Variants in WDPCP observed in about 807,000 individuals in gnomAD.
WDPCP encodes WD repeat containing planar cell polarity effector.
Under a neutral mutation model 93.1 loss-of-function variants are expected in WDPCP, and 71 were observed. That is an observed-to-expected ratio of 0.76 (90% CI 0.63 to 0.93). The LOEUF (loss-of-function observed/expected upper bound fraction) is 0.93. Among genes scored for constraint, WDPCP ranks in the 40% least tolerant of loss-of-function variants. The probability of loss-of-function intolerance (pLI) is 0.00; values close to 1 mark genes in which losing one functional copy is unlikely to be tolerated. For synonymous variants in WDPCP, 315 were observed against 315.0 expected, an observed-to-expected ratio of 1.00 and a Z score of 0.00; for missense variants, 844 against 887.4, an observed-to-expected ratio of 0.95 and a Z score of 0.62.
intron 14 of WDPCP, among the ~76,000 whole-genome samples, chr2:63,254,230 G>C (rs1397947539): frequency 6.6e-6 from 1 of 152,134 alleles, no homozygotes. Context: ...GGGACTAATA[G>C]AAGGGCAAGG....
Position 63,174,700 on chromosome 2 carries a change from T to C in WDPCP, c.2048A>G (p.Gln683Arg), listed in dbSNP as rs759847898. The C allele has an allele frequency of 1.2e-6, 2 of 1,613,992 alleles. No homozygotes were observed. Among genetic ancestry groups the C allele is most frequent in the Non-Finnish European group, 8.5e-7 (1 of 1,179,898 alleles). Residue 683 changes from glutamine (Q) to arginine (R), a missense_variant, in exon 15 of 18, where the codon CAA (glutamine) becomes CGA (arginine). Coordinates refer to ENST00000272321, the MANE Select transcript of WDPCP (RefSeq NM_015910.7). ...PSCPTHRHILQQRILNGSSNR... is the reference protein window; with the variant it reads ...PSCPTHRHILRQRILNGSSNR... ...AGAAGAGCCATTCAGTATTCTTTGT[T>C]GTAAAATATGTCTGTGGGTTGGGCA... is the stretch of plus-strand genomic sequence containing the variant.
At chr2:63,183,966 T>G (rs1674439047) in intron 14 of WDPCP, among the ~76,000 whole-genome samples, 1 of 152,152 alleles carries the variant, frequency 6.6e-6, no homozygotes, top group Non-Finnish European at 1.5e-5. Context: ...AGTTTCTGTT[T>G]GTGCAGGAGA....
chr2:63,349,429 AG>A (rs1255681216), intron 12 of WDPCP, among the ~76,000 whole-genome samples: 1 of 152,116 alleles, frequency 6.6e-6, no homozygotes, highest in East Asian at 1.9e-4. Flanking sequence ...CTCTATTCTA[AG>A]CTGTATCAAA....
At chr2:63,592,565 C>T (rs575345425), upstream of WDPCP, among the ~76,000 whole-genome samples, 5 of 152,234 alleles carry the variant, frequency 3.3e-5, no homozygotes, top group South Asian at 2.1e-4. Flanking sequence ...AGGCTGGTCT[C>T]GAACTCCTGG....
intron 3 of WDPCP, among the ~76,000 whole-genome samples, chr2:63,623,961 G>A (rs188933173): frequency 6.6e-6 from 1 of 152,140 alleles, no homozygotes; most frequent in East Asian, 1.9e-4. Flanking sequence ...AAATGCAAAA[G>A]AACAGAAATC....
intron 6 of WDPCP, among the ~76,000 whole-genome samples, chr2:63,457,708 T>A (rs1698720978): frequency 6.6e-6 from 1 of 152,112 alleles, no homozygotes; most frequent in Admixed American, 6.5e-5. Context: ...AAAAATTATA[T>A]GATCATCTCA....
At chr2:63,361,408 A>G (rs1690444580) in intron 12 of WDPCP, among the ~76,000 whole-genome samples, 1 of 152,212 alleles carries the variant, frequency 6.6e-6, no homozygotes, top group African/African-American at 2.4e-5. Context: ...TACAGCCTCA[A>G]TAGCTACAAA....
chr2:63,310,387 T>G (rs768151407), intron 13 of WDPCP, among the ~76,000 whole-genome samples: 12 of 152,142 alleles, frequency 7.9e-5, no homozygotes, highest in Non-Finnish European at 1.6e-4. Context: ...TACTTCACAC[T>G]TGTACCTAGG....
At chr2:63,812,802 C>G (rs1227534536) in intron 2 of WDPCP, among the ~76,000 whole-genome samples, 1 of 152,076 alleles carries the variant, frequency 6.6e-6, no homozygotes, top group Non-Finnish European at 1.5e-5. Context: ...GTACCCCATC[C>G]CTCAAGTTTA....
At chr2:63,256,708 A>C (rs774774744) in intron 14 of WDPCP, among the ~76,000 whole-genome samples, 2 of 152,218 alleles carry the variant, frequency 1.3e-5, no homozygotes, top group African/African-American at 2.4e-5. Flanking sequence ...AAAGTAGAAT[A>C]AATTGAAGTA....
intron 11 of WDPCP, among the ~76,000 whole-genome samples, chr2:63,380,939 T>G (rs1388689898): frequency 1.3e-5 from 2 of 152,094 alleles, no homozygotes; most frequent in Non-Finnish European, 2.9e-5. Flanking sequence ...CCAAACAACT[T>G]GTTTATTTTG....
chr2:63,389,043 A>C (rs1390483414), intron 10 of WDPCP, among the ~76,000 whole-genome samples: 3 of 152,174 alleles, frequency 2.0e-5, no homozygotes, highest in Admixed American at 2.0e-4. Context: ...CAAGAAATAC[A>C]GAACACACCA....
At position 63,207,707 on chromosome 2, in the gene WDPCP, C is replaced by T. The variant is rs954517835; in HGVS notation, c.1916-32875G>A. 3.3e-5 allele frequency among the ~76,000 whole-genome samples: 5 copies of T among 152,112 alleles called. No homozygotes were observed. The East Asian group carries it at 5.8e-4, about 18-fold the overall frequency. On this transcript the variant is annotated intron_variant, in intron 14 of 17. Transcript: ENST00000272321. ...ATTTCATTAGAATATGTCTTGATGTCGACCAACTTGGGCTGGTGTTTCCAG... is the reference window on the plus strand; with the variant it reads ...ATTTCATTAGAATATGTCTTGATGTTGACCAACTTGGGCTGGTGTTTCCAG...
intron 9 of WDPCP, among the ~76,000 whole-genome samples, chr2:63,425,356 C>G (rs1696194817): frequency 6.6e-6 from 1 of 152,196 alleles, no homozygotes; most frequent in Non-Finnish European, 1.5e-5. Context: ...CACTAGCTCC[C>G]TAGCAACAGT....
At chr2:63,410,493 G>C (rs547210128) in intron 9 of WDPCP, among the ~76,000 whole-genome samples, 1 of 152,176 alleles carries the variant, frequency 6.6e-6, no homozygotes, top group South Asian at 2.1e-4. Context: ...AAAACCAAAA[G>C]TACACAGGCA....
Position 63,731,156 on chromosome 2 carries a change from C to G in WDPCP, n.309-80318G>C, listed in dbSNP as rs368850480. Among the ~76,000 whole-genome samples, 18 of 151,650 alleles carry G rather than the reference C, an allele frequency of 1.2e-4. No homozygotes were observed. The East Asian group carries it at 3.5e-3, about 29-fold the overall frequency. On this transcript the variant is annotated intron_variant and non_coding_transcript_variant, in intron 2 of 4. Coordinates refer to the WDPCP transcript ENST00000467687. Reference sequence around the variant, plus strand: ...TGGTGTCACGTGCCTGTAGTTCCAGCTACTTGGGAGGCTGAGGCAGGAGAA... The same window carrying G: ...TGGTGTCACGTGCCTGTAGTTCCAGGTACTTGGGAGGCTGAGGCAGGAGAA...
chr2:63,785,338 A>C (rs1015113543), intron 2 of WDPCP, among the ~76,000 whole-genome samples: 12 of 152,060 alleles, frequency 7.9e-5, no homozygotes, highest in Non-Finnish European at 1.5e-4. Flanking sequence ...ATGAATTCAC[A>C]TTCACTGCTT....
At chr2:63,240,793 A>G (rs1679801835) in intron 14 of WDPCP, among the ~76,000 whole-genome samples, 1 of 152,180 alleles carries the variant, frequency 6.6e-6, no homozygotes, top group Admixed American at 6.5e-5. Context: ...CCTGTCTCAG[A>G]AAGAAAAACA....
intron 14 of WDPCP, chr2:63,229,617 G>C (rs1382573596): frequency 1.3e-5 from 2 of 151,996 alleles, no homozygotes; most frequent in Admixed American, 6.6e-5. Flanking sequence ...TGTATAAGGT[G>C]TAAGGAAGGG....
Sources: allele counts gnomAD v4.1 joint callset (sites outside exome capture counted in the v4.1 genomes callset), GRCh38; gene constraint gnomAD v4.1.1; transcripts MANE v1.5; gene names NCBI Gene and HGNC (gene_info 2026-07-23, HGNC 2026-07-21).